GPR20: variants seen among roughly 807,000 people sequenced by gnomAD.
GPR20 encodes the protein CTD-3064M3.3.
For missense variants in GPR20, 494 were observed against 527.4 expected (o/e 0.94, Z 0.62); for synonymous variants, 241 against 241.9 (o/e 1.00, Z 0.04).
Position 141,360,262 on chromosome 8 carries a change from A to G in GPR20, c.-24-2315T>C, listed in dbSNP as rs186968638. On this transcript the variant is annotated intron_variant, in intron 1 of 1. Coordinates refer to ENST00000377741, the MANE Select transcript of GPR20 (RefSeq NM_005293.3). ...TGACCCTGATCTCAAACAAAGCTGA[A>G]CCCTCATCTTGGTCACACACTGAGC... Among the ~76,000 whole-genome samples, 549 of 152,280 alleles carry G rather than the reference A, an allele frequency of 3.6e-3. 7 individuals are homozygous for G. The highest frequency in any genetic ancestry group is 0.013 in the African/African-American group (530 of 41,548).
intron 1 of GPR20, 106 bp from the exon 2 acceptor site, chr8:141,358,053 C>T (rs1283279360): frequency 9.8e-6 from 6 of 615,104 alleles, no homozygotes; most frequent in Non-Finnish European, 1.7e-5. Flanking sequence ...CCCAGCATCC[C>T]CCTTCTCCAT....
Position 141,357,572 on chromosome 8 carries a change from C to T in GPR20, c.352G>A (p.Gly118Ser). The T allele has an allele frequency of 6.2e-7, 1 of 1,613,938 alleles. No homozygotes were observed. Among genetic ancestry groups the T allele is most frequent in the South Asian group, 1.1e-5 (1 of 91,090 alleles). The change falls in exon 2 of 2, where the codon GGC becomes AGC. Residue 118 changes from glycine to serine, a missense_variant. Coordinates refer to ENST00000377741, the MANE Select transcript of GPR20 (RefSeq NM_005293.3). ...TRFAVYYGAR[G>S]CLRCAFPHVL... ...TGCGGGAAGGCACAGCGCAGGCAGC[C>T]CCTGGCGCCGTAGTACACAGCGAAG...
intron 1 of GPR20, among the ~76,000 whole-genome samples, chr8:141,359,800 C>T (rs1459801413): frequency 5.3e-5 from 8 of 152,144 alleles, no homozygotes; most frequent in Non-Finnish European, 1.2e-4. Context: ...GAAAGAGATG[C>T]GTCCCTCCCC....
chr8:141,365,640 C>T (rs906617548), intron 1 of GPR20, among the ~76,000 whole-genome samples: 47 of 152,314 alleles, frequency 3.1e-4, no homozygotes, highest in Middle Eastern at 3.4e-3. Context: ...GGCCTCAGGA[C>T]AATCAGAGGG....
At chr8:141,364,632 C>T (rs560345443) in intron 1 of GPR20, among the ~76,000 whole-genome samples, 1 of 152,326 alleles carries the variant, frequency 6.6e-6, no homozygotes, top group South Asian at 2.1e-4. Flanking sequence ...CCCATCTGAC[C>T]CGACTCTGCC....
chr8:141,363,686 T>A (rs1414866634), intron 1 of GPR20, among the ~76,000 whole-genome samples: 2 of 152,212 alleles, frequency 1.3e-5, no homozygotes, highest in Non-Finnish European at 2.9e-5. Context: ...CCTCCGTCCT[T>A]GGCCGGTGGG....
At chr8:141,362,527 GTGGCCTGGTTTCTCAACC>G (rs1831749484) in intron 1 of GPR20, among the ~76,000 whole-genome samples, 1 of 152,206 alleles carries the variant, frequency 6.6e-6, no homozygotes, top group Non-Finnish European at 1.5e-5. Flanking sequence ...CTGGCAAGGT[GTGGCCTGGTTTCTCAACC>G]TGGCATTCAG....
intron 1 of GPR20, among the ~76,000 whole-genome samples, chr8:141,366,465 G>A (rs781036060): frequency 2.0e-5 from 3 of 152,206 alleles, no homozygotes; most frequent in African/African-American, 4.8e-5. Flanking sequence ...CTGCCCCCTC[G>A]GGACCCTGTC....
chr8:141,360,689 C>T (rs1037151585), intron 1 of GPR20, among the ~76,000 whole-genome samples: 8 of 152,212 alleles, frequency 5.3e-5, no homozygotes, highest in Admixed American at 6.5e-5. Flanking sequence ...GAGAAGGTTC[C>T]GCCCCTCCTG....
chr8:141,361,735 G>C (rs1352442429), intron 1 of GPR20, among the ~76,000 whole-genome samples: 1 of 148,168 alleles, frequency 6.7e-6, no homozygotes, highest in Non-Finnish European at 1.5e-5. Context: ...ACGCTGCCCT[G>C]CATGGCTGTC....
At position 141,356,751 on chromosome 8, in the gene GPR20, C is replaced by T. The variant is rs750300562; in HGVS notation, c.*96G>A. ...CTCTGGGTAGCCATCACCAATCAAT[C>T]GAGATGGAACCGATTGCCACCCCTG... On this transcript the variant is annotated 3_prime_UTR_variant, in exon 2 of 2. Coordinates refer to ENST00000377741, the MANE Select transcript of GPR20 (RefSeq NM_005293.3). The T allele has an allele frequency of 2.2e-5, 18 of 814,718 alleles. No individual in the cohort carries two copies. Among genetic ancestry groups the T allele is most frequent in the South Asian group, 1.2e-4 (7 of 57,478 alleles). 50.5% of individuals were successfully genotyped at this position (814,718 alleles called of 1,614,324 possible).
chr8:141,357,681 G>A lies in GPR20; in HGVS notation c.243C>T (p.Arg81=), dbSNP rs1831671532. The A allele has an allele frequency of 1.9e-6, 3 of 1,613,414 alleles. No individual in the cohort carries two copies. Among genetic ancestry groups the A allele is most frequent in the African/African-American group, 1.3e-5 (1 of 74,918 alleles). ...NGLALYVFCC[R]TRAKTPSVIY... ...TGACTGAGGGTGTCTTGGCCCGGGT[G>A]CGGCAGCAGAAGACGTACAGCGCCA... is the stretch of plus-strand genomic sequence containing the variant. Residue 81 remains arginine (R), a synonymous_variant, in exon 2 of 2, where the codon CGC becomes CGT. Transcript: ENST00000377741.
intron 1 of GPR20, among the ~76,000 whole-genome samples, 163 bp from the exon 2 acceptor site, chr8:141,358,110 C>A (rs1192626422): frequency 6.6e-6 from 1 of 152,270 alleles, no homozygotes; most frequent in Non-Finnish European, 1.5e-5. Flanking sequence ...TTGGCTCTAC[C>A]CAGAGGGAGC....
chr8:141,360,257 G>C (rs1170147147), intron 1 of GPR20, among the ~76,000 whole-genome samples: 1 of 152,204 alleles, frequency 6.6e-6, no homozygotes, highest in African/African-American at 2.4e-5. Context: ...CTCAAACAAA[G>C]CTGAACCCTC....
chr8:141,360,751 G>C (rs1028953283), intron 1 of GPR20, among the ~76,000 whole-genome samples: 3 of 152,174 alleles, frequency 2.0e-5, no homozygotes, highest in African/African-American at 7.2e-5. Context: ...TCTCCGGAGG[G>C]CCCGGGTGAT....
intron 1 of GPR20, among the ~76,000 whole-genome samples, chr8:141,366,726 C>T (rs867571512): frequency 1.3e-5 from 2 of 152,216 alleles, no homozygotes; most frequent in South Asian, 2.1e-4. Flanking sequence ...GCCCCAGCTG[C>T]GGGGTGGTGG....
At chr8:141,364,466 C>T (rs1366893428) in intron 1 of GPR20, among the ~76,000 whole-genome samples, 2 of 152,276 alleles carry the variant, frequency 1.3e-5, no homozygotes, top group East Asian at 3.9e-4. Flanking sequence ...TCAGACTCAC[C>T]CCAGGTCACC....
In GPR20 at chr8:141,356,777, G is replaced by A; in HGVS notation, c.*70C>T. 9.0e-7 allele frequency: 1 copy of A among 1,110,632 alleles called. No individual in the cohort carries two copies. Among genetic ancestry groups the A allele is most frequent in the East Asian group, 2.4e-5 (1 of 41,728 alleles). 68.8% of individuals were successfully genotyped at this position (1,110,632 alleles called of 1,614,324 possible). A position where few individuals can be genotyped will look rare whatever the true frequency, so the allele number is the denominator to read the frequency against. On this transcript the variant is annotated 3_prime_UTR_variant, in exon 2 of 2. Coordinates refer to ENST00000377741, the MANE Select transcript of GPR20 (RefSeq NM_005293.3). Reference sequence around the variant, plus strand: ...GAGATGGAACCGATTGCCACCCCTGGCATGGTGGGTGTCCACGCTGGCATG... The same window carrying A: ...GAGATGGAACCGATTGCCACCCCTGACATGGTGGGTGTCCACGCTGGCATG...
At chr8:141,359,030 A>AC (rs1164005896) in intron 1 of GPR20, among the ~76,000 whole-genome samples, 1 of 152,040 alleles carries the variant, frequency 6.6e-6, no homozygotes, top group Non-Finnish European at 1.5e-5. Flanking sequence ...TAACGGCCCT[A>AC]CCCCCACCCT....
Sources: gnomAD v4.1 joint callset for allele counts (sites outside exome capture counted in the v4.1 genomes callset) on GRCh38, gnomAD v4.1.1 for gene constraint, MANE v1.5 for transcripts, NCBI Gene and HGNC (gene_info 2026-07-23, HGNC 2026-07-21) for gene names.